Variants in RAPGEF6 observed in about 807,000 individuals in gnomAD.
RAPGEF6 encodes the protein PDZ domain containing guanine nucleotide exchange factor (GEF) 2.
RAPGEF6 carries 56 observed loss-of-function variants against 171.4 expected under a neutral mutation model. That is an observed-to-expected ratio of 0.33 (90% CI 0.26 to 0.41). RAPGEF6 has a LOEUF of 0.41. Ranked by LOEUF, RAPGEF6 falls within the 10% of genes least tolerant of loss-of-function variation. The pLI is 1.00. For synonymous variants in RAPGEF6, 692 were observed against 650.1 expected (o/e 1.06, Z -0.98); for missense variants, 1,674 against 1,921.4 (o/e 0.87, Z 2.41).
chr5:131,583,704 C>T (rs1763091541), intron 4 of RAPGEF6, among the ~76,000 whole-genome samples: 1 of 152,086 alleles, frequency 6.6e-6, no homozygotes, highest in Non-Finnish European at 1.5e-5. Flanking sequence ...AAACTGTAGC[C>T]CAACCACCTT....
At chr5:131,543,489 G>A (rs2149942603) in intron 6 of RAPGEF6, among the ~76,000 whole-genome samples, 1 of 152,162 alleles carries the variant, frequency 6.6e-6, no homozygotes, top group East Asian at 1.9e-4. Context: ...GAAACGACAT[G>A]GGCAAATTAA....
At position 131,580,652 on chromosome 5, in the gene RAPGEF6, T is replaced by C. The variant is rs184246860; in HGVS notation, c.281+11731A>G. Among the ~76,000 whole-genome samples, 6 of 152,294 alleles carry C rather than the reference T, an allele frequency of 3.9e-5. No homozygotes were observed. The East Asian group carries it at 1.2e-3, about 29-fold the overall frequency. On this transcript the variant is annotated intron_variant, in intron 4 of 27. Transcript: ENST00000509018. ...TCTCATACACCATGAGAACAGAACC[T>C]CTCCCTCTACGCAGTTGCAACATCA...
chr5:131,606,189 T>C (rs1764562626), intron 1 of RAPGEF6, among the ~76,000 whole-genome samples: 1 of 151,654 alleles, frequency 6.6e-6, no homozygotes, highest in African/African-American at 2.4e-5. Context: ...ATGGTGAAAC[T>C]TGCCTCTACA....
At chr5:131,527,865 A>T (rs960037534) in intron 6 of RAPGEF6, among the ~76,000 whole-genome samples, 1 of 151,058 alleles carries the variant, frequency 6.6e-6, no homozygotes, top group Non-Finnish European at 1.5e-5. Flanking sequence ...AATACAAAAA[A>T]TTAGCCGGGC....
chr5:131,506,138 GTTAT>G (rs1171830051), intron 9 of RAPGEF6, among the ~76,000 whole-genome samples: 2 of 152,202 alleles, frequency 1.3e-5, no homozygotes, highest in South Asian at 2.1e-4. Flanking sequence ...GCTCTAAGAA[GTTAT>G]TTATTTATTT....
intron 6 of RAPGEF6, among the ~76,000 whole-genome samples, chr5:131,545,051 G>T (rs1346495948): frequency 6.6e-6 from 1 of 151,958 alleles, no homozygotes; most frequent in South Asian, 2.1e-4. Flanking sequence ...ATAAGAAATT[G>T]TATCAAAAAA....
chr5:131,488,083 G>A (rs1312863046), intron 15 of RAPGEF6, among the ~76,000 whole-genome samples: 1 of 152,102 alleles, frequency 6.6e-6, no homozygotes, highest in Non-Finnish European at 1.5e-5. Flanking sequence ...GGAAGAAAGA[G>A]GTGACTGCTA....
rs776917398 is a variant in RAPGEF6, at chr5:131,439,590, G to A, written c.3736C>T (p.Pro1246Ser). ...AAATGTTTTGTCTTACCTTTGTGAGGGGAGCCTTGAGGAGATGCAGGAGGA... is the reference window on the plus strand; with the variant it reads ...AAATGTTTTGTCTTACCTTTGTGAGAGGAGCCTTGAGGAGATGCAGGAGGA... ...SSPPASPQGSPHKGYTLIPSA... is the reference protein window; with the variant it reads ...SSPPASPQGSSHKGYTLIPSA... Residue 1246 changes from proline to serine, a missense_variant, in exon 24 of 28, where the codon CCT (proline) becomes TCT (serine). Transcript: ENST00000509018. The A allele has an allele frequency of 7.5e-6, 12 of 1,610,488 alleles. No individual in the cohort carries two copies. The highest frequency in any genetic ancestry group is 9.3e-6 in the Non-Finnish European group (11 of 1,178,152).
intron 1 of RAPGEF6, among the ~76,000 whole-genome samples, chr5:131,608,628 G>T (rs1764748883): frequency 6.6e-6 from 1 of 152,182 alleles, no homozygotes; most frequent in African/African-American, 2.4e-5. Flanking sequence ...GTGTTAGCAG[G>T]TAGGACCTAG....
chr5:131,567,613 A>T (rs1475887087), intron 4 of RAPGEF6, among the ~76,000 whole-genome samples: 1 of 152,172 alleles, frequency 6.6e-6, no homozygotes, highest in Non-Finnish European at 1.5e-5. Flanking sequence ...ACTTCAAATG[A>T]TTTCATTCCT....
At position 131,525,118 on chromosome 5, in the gene RAPGEF6, C is replaced by T. The variant is rs1257506173; in HGVS notation, c.496-3597G>A. Among the ~76,000 whole-genome samples, 8 of 152,072 alleles carry T rather than the reference C, an allele frequency of 5.3e-5. No individual in the cohort carries two copies. The South Asian group carries it at 1.7e-3, about 32-fold the overall frequency. On this transcript the variant is annotated intron_variant, in intron 6 of 27. Transcript: ENST00000509018. ...AGATTTCAGTAGCAGTCTGAATAAGCAAAATACACGAAAACAGAACAAGTA... is the reference window on the plus strand; with the variant it reads ...AGATTTCAGTAGCAGTCTGAATAAGTAAAATACACGAAAACAGAACAAGTA...
intron 6 of RAPGEF6, among the ~76,000 whole-genome samples, chr5:131,523,513 T>G (rs1347207162): frequency 6.6e-6 from 1 of 151,650 alleles, no homozygotes; most frequent in Admixed American, 6.6e-5. Flanking sequence ...AGCCAACAAG[T>G]GGGCTTAATT....
At chr5:131,470,253 C>G (rs1225039943) in intron 17 of RAPGEF6, among the ~76,000 whole-genome samples, 1 of 152,134 alleles carries the variant, frequency 6.6e-6, no homozygotes, top group Non-Finnish European at 1.5e-5. Flanking sequence ...GTTCTCTGAA[C>G]AGATTTTAAA....
intron 1 of RAPGEF6, among the ~76,000 whole-genome samples, chr5:131,622,448 A>G (rs1424631217): frequency 6.6e-6 from 1 of 152,232 alleles, no homozygotes; most frequent in Non-Finnish European, 1.5e-5. Flanking sequence ...CAGCCTAGGT[A>G]AACTAAGGTC....
chr5:131,513,142 T>C lies in RAPGEF6; in HGVS notation c.628-2651A>G, dbSNP rs75203949. ...CTGAATAATACATAGAACCACAAACTTGTTTGCAGGTTATAATCCTTTTTT... is the reference window on the plus strand; with the variant it reads ...CTGAATAATACATAGAACCACAAACCTGTTTGCAGGTTATAATCCTTTTTT... On this transcript the variant is annotated intron_variant, in intron 7 of 27. Coordinates refer to ENST00000509018, the MANE Select transcript of RAPGEF6 (RefSeq NM_016340.6). 2.3e-4 allele frequency among the ~76,000 whole-genome samples: 35 copies of C among 152,314 alleles called. No individual in the cohort carries two copies. In the East Asian group the frequency reaches 6.0e-3, roughly 26 times the overall value.
At chr5:131,439,886 C>G in intron 23 of RAPGEF6, 171 bp from the exon 24 acceptor site, 1 of 1,127,198 alleles carries the variant, frequency 8.9e-7, no homozygotes, top group Non-Finnish European at 1.2e-6. Flanking sequence ...TACAGAGATT[C>G]TCACCTCTAG....
chr5:131,440,049 T>C, intron 23 of RAPGEF6: 2 of 380,966 alleles, frequency 5.2e-6, no homozygotes, highest in East Asian at 6.8e-5. Context: ...AAAGAAGGCA[T>C]GGATTCAAAC....
At chr5:131,630,304 G>T (rs903930383) in intron 1 of RAPGEF6, among the ~76,000 whole-genome samples, 3 of 152,150 alleles carry the variant, frequency 2.0e-5, no homozygotes, top group African/African-American at 7.2e-5. Flanking sequence ...TTAAATTAAG[G>T]CATATATCTT....
At chr5:131,498,336 G>T in intron 12 of RAPGEF6, 107 bp downstream of exon 12, 1 of 991,988 alleles carries the variant, frequency 1.0e-6, no homozygotes, top group Non-Finnish European at 1.5e-6. Flanking sequence ...ATTTTTTTAG[G>T]TGTACTGAAT....
Sources: allele counts gnomAD v4.1 joint callset (sites outside exome capture counted in the v4.1 genomes callset), GRCh38; gene constraint gnomAD v4.1.1; transcripts MANE v1.5; gene names NCBI Gene and HGNC (gene_info 2026-07-23, HGNC 2026-07-21).